THTPA: variants seen among roughly 807,000 people sequenced by gnomAD.
THTPA encodes the protein thiamine-triphosphatase.
A neutral mutation model predicts 16.5 loss-of-function variants in THTPA; 16 were observed. The ratio of observed to expected loss-of-function variants is 0.97; its 90% CI spans 0.66 to 1.47. The LOEUF (loss-of-function observed/expected upper bound fraction) is 1.47. Ranked by LOEUF, THTPA falls within the 40% of genes most tolerant of loss-of-function variation. THTPA has a pLI of 0.00. For synonymous variants in THTPA, 110 were observed against 115.5 expected (o/e 0.95, Z 0.30); for missense variants, 281 against 280.9 (o/e 1.00, Z 0.00).
At chr14:23,524,485 C>T in the THTPA span, 1 of 1,530,550 alleles carries the variant, frequency 6.5e-7, no homozygotes, top group Non-Finnish European at 8.7e-7. This position sits in a 1 kb window ranked among gnomAD's most constrained non-coding sequence, Gnocchi z 5.6. Context: ...AGGTGGCTGC[C>T]ACCAGGGGGT....
the THTPA span, chr14:23,538,101 T>A: frequency 6.6e-6 from 1 of 152,206 alleles, no homozygotes; most frequent in Non-Finnish European, 1.5e-5. Context: ...CAAAAACATC[T>A]ATTTCCTAGA....
chr14:23,531,531 G>C, the THTPA span: 1 of 1,509,874 alleles, frequency 6.6e-7, no homozygotes. Context: ...CTGAAGAGCT[G>C]CGAGTCCTTC....
the THTPA span, chr14:23,526,626 G>C: frequency 1.2e-5 from 19 of 1,535,882 alleles, no homozygotes; most frequent in Middle Eastern, 3.3e-4. Flanking sequence ...ACTGAGGCCA[G>C]GGGAGGCTCA....
the THTPA span, chr14:23,533,372 G>A: frequency 6.9e-7 from 1 of 1,454,682 alleles, no homozygotes; most frequent in Non-Finnish European, 9.0e-7. The surrounding 1 kb of genome is among the most constrained non-coding windows in gnomAD (Gnocchi z 4.8). Flanking sequence ...TCTGGCCTCA[G>A]CCCCGGGCCA....
At chr14:23,535,781 G>A in the THTPA span, among the ~76,000 whole-genome samples, 1 of 151,802 alleles carries the variant, frequency 6.6e-6, no homozygotes, top group Non-Finnish European at 1.5e-5. This position sits in a 1 kb window ranked among gnomAD's most constrained non-coding sequence, Gnocchi z 4.5. Flanking sequence ...TAGTAGAGAC[G>A]GGGTTTCTCC....
the THTPA span, chr14:23,533,275 A>G: frequency 4.2e-6 from 6 of 1,436,528 alleles, no homozygotes; most frequent in Non-Finnish European, 5.5e-6. The surrounding 1 kb of genome is among the most constrained non-coding windows in gnomAD (Gnocchi z 4.8). Context: ...GAAGAAGCAC[A>G]GAAGCTTACC....
chr14:23,525,720 G>T, the THTPA span: 3 of 1,514,130 alleles, frequency 2.0e-6, no homozygotes, highest in East Asian at 7.4e-5. The surrounding 1 kb of genome is among the most constrained non-coding windows in gnomAD (Gnocchi z 5.9). Context: ...TCCCACTCCC[G>T]CTCAGCCAGC....
chr14:23,544,623 C>T, the THTPA span, among the ~76,000 whole-genome samples: 2 of 152,172 alleles, frequency 1.3e-5, no homozygotes, highest in East Asian at 1.9e-4. Flanking sequence ...GCTGTGAGCC[C>T]GTATGTGGTT....
At chr14:23,547,504 T>A in the THTPA span, among the ~76,000 whole-genome samples, 1 of 152,166 alleles carries the variant, frequency 6.6e-6, no homozygotes, top group East Asian at 1.9e-4. Flanking sequence ...CTCCTCCACA[T>A]CTTCCTCTTG....
intron 1 of THTPA, 65 bp from the exon 2 acceptor site, chr14:23,558,630 A>G (rs1882859599): frequency 6.3e-7 from 1 of 1,599,220 alleles, no homozygotes; most frequent in African/African-American, 1.3e-5. Context: ...CTAGGTGGGC[A>G]GGGAGCAGAG....
the THTPA span, chr14:23,514,283 G>A: frequency 6.6e-6 from 1 of 152,322 alleles, no homozygotes; most frequent in African/African-American, 2.4e-5. Context: ...AGCAACAGAC[G>A]GAGAGTGGCA....
the THTPA span, chr14:23,533,601 G>A: frequency 6.5e-7 from 1 of 1,536,650 alleles, no homozygotes; most frequent in Non-Finnish European, 8.7e-7. This position sits in a 1 kb window ranked among gnomAD's most constrained non-coding sequence, Gnocchi z 4.8. Flanking sequence ...TTGTCTCGTA[G>A]CTGCACACCT....
chr14:23,516,199 A>G, the THTPA span, among the ~76,000 whole-genome samples: 1 of 152,330 alleles, frequency 6.6e-6, no homozygotes, highest in African/African-American at 2.4e-5. Flanking sequence ...TATGCATTTT[A>G]CATAAGCACT....
the THTPA span, chr14:23,530,542 G>A: frequency 5.5e-5 from 27 of 488,114 alleles, no homozygotes; most frequent in African/African-American, 4.4e-4. Flanking sequence ...AGTAGGAGGG[G>A]CACTGAAGAA....
chr14:23,533,617 T>A, the THTPA span: 2 of 1,536,854 alleles, frequency 1.3e-6, no homozygotes, highest in South Asian at 2.4e-5. This position sits in a 1 kb window ranked among gnomAD's most constrained non-coding sequence, Gnocchi z 4.8. Context: ...CACCTTGCAC[T>A]GCCAGGATGA....
At chr14:23,549,683 C>T in the THTPA span, among the ~76,000 whole-genome samples, 1 of 152,230 alleles carries the variant, frequency 6.6e-6, no homozygotes, top group South Asian at 2.1e-4. Flanking sequence ...AGCTTAGAGT[C>T]CTAGGGAATG....
chr14:23,533,376 C>T, the THTPA span: 42 of 1,456,084 alleles, frequency 2.9e-5, no homozygotes, highest in Non-Finnish European at 3.5e-5. The surrounding 1 kb of genome is among the most constrained non-coding windows in gnomAD (Gnocchi z 4.8). Flanking sequence ...GCCTCAGCCC[C>T]GGGCCAGCCA....
At chr14:23,521,894 C>A in the THTPA span, 5 of 1,521,196 alleles carry the variant, frequency 3.3e-6, no homozygotes, top group Non-Finnish European at 4.4e-6. Flanking sequence ...TGAGCTCCCA[C>A]CGAACACCCC....
the THTPA span, among the ~76,000 whole-genome samples, chr14:23,519,489 A>G: frequency 6.6e-6 from 1 of 151,784 alleles, no homozygotes; most frequent in Admixed American, 6.6e-5. Context: ...AGAGGCGGGG[A>G]AAGAAGGTGG....
Sources: allele counts gnomAD v4.1 joint callset (sites outside exome capture counted in the v4.1 genomes callset), GRCh38; gene constraint gnomAD v4.1.1; non-coding constraint Gnocchi (gnomAD v3.1); transcripts MANE v1.5; gene names NCBI Gene and HGNC (gene_info 2026-07-23, HGNC 2026-07-21).